Variants in ERLEC1 observed in about 807,000 individuals in gnomAD.
ERLEC1 encodes ER lectin.
ERLEC1 carries 47 observed loss-of-function variants against 68.0 expected under a neutral mutation model. The ratio of observed to expected loss-of-function variants is 0.69; its 90% confidence interval spans 0.55 to 0.88. ERLEC1 has a LOEUF of 0.88. Among genes scored for constraint, ERLEC1 ranks in the 40% least tolerant of loss-of-function variants. The pLI is 0.00. For synonymous variants in ERLEC1, 225 were observed against 203.2 expected, an observed-to-expected ratio of 1.11 and a Z score of -0.91; for missense variants, 567 against 583.8, an observed-to-expected ratio of 0.97 and a Z score of 0.30.
chr2:53,813,099 G>A (rs545836301), intron 11 of ERLEC1, 26 bp downstream of exon 11: 1 of 1,590,874 alleles, frequency 6.3e-7, no homozygotes, highest in African/African-American at 1.4e-5. Context: ...ACTTGCCTTT[G>A]GAGCTAATTA....
chr2:53,814,995 C>CTTTTTTATTTTTTTTTTTTTT (rs1676792007), intron 13 of ERLEC1, 60 bp downstream of exon 13: 1 of 430,044 alleles, frequency 2.3e-6, no homozygotes, highest in Non-Finnish European at 3.7e-6. Flanking sequence ...ATTTTTTTTT[C>CTTTTTTATTTTTTTTTTTTTT]TTTTTTTTTT....
chr2:53,794,783 T>A (rs911715527), intron 2 of ERLEC1, among the ~76,000 whole-genome samples: 3 of 152,150 alleles, frequency 2.0e-5, no homozygotes, highest in African/African-American at 7.2e-5. Flanking sequence ...GCCTCCCAAG[T>A]AGCTGGGATT....
At chr2:53,805,278 C>T (rs948215547) in intron 8 of ERLEC1, among the ~76,000 whole-genome samples, 1 of 152,146 alleles carries the variant, frequency 6.6e-6, no homozygotes, top group Non-Finnish European at 1.5e-5. Flanking sequence ...CCACCTCAGC[C>T]TCCCAAAGTA....
chr2:53,796,354 T>C (rs923354154), intron 3 of ERLEC1, among the ~76,000 whole-genome samples: 5 of 152,024 alleles, frequency 3.3e-5, no homozygotes, highest in African/African-American at 4.8e-5. Context: ...TCTCATTTTT[T>C]AGCTCCCATT....
chr2:53,810,610 G>C (rs1425948185), intron 10 of ERLEC1, among the ~76,000 whole-genome samples: 2 of 152,124 alleles, frequency 1.3e-5, no homozygotes, highest in East Asian at 3.8e-4. Context: ...ACCCAAAATA[G>C]AAAAGTGTAT....
intron 9 of ERLEC1, 145 bp from the exon 10 acceptor site, chr2:53,809,069 T>G (rs534306550): frequency 5.7e-5 from 36 of 628,018 alleles, no homozygotes; most frequent in Non-Finnish European, 1.4e-5. Context: ...GTCTTTAATT[T>G]CTCAGTAATG....
Position 53,801,459 on chromosome 2 carries a change from T to A in ERLEC1, c.588T>A (p.Gly196=). ...ACTATCCTGTGGGAATGGGAAATGG[T>A]ACACCTTGTAGTTTGAAACAGAACC... ...TPYYPVGMGN[G]TPCSLKQNRP... Residue 196 remains glycine, a synonymous_variant, in exon 7 of 14, where the codon GGT becomes GGA. Transcript: ENST00000185150. 1 of 1,614,056 alleles carries A rather than the reference T, an allele frequency of 6.2e-7. No homozygotes were observed. Among genetic ancestry groups the A allele is most frequent in the Non-Finnish European group, 8.5e-7 (1 of 1,179,964 alleles).
At chr2:53,814,426 G>GT (rs1034416254) in intron 11 of ERLEC1, 117 bp from the exon 12 acceptor site, 1,205 of 559,698 alleles carry the variant, frequency 2.2e-3, no homozygotes, top group South Asian at 4.0e-3. Context: ...TTATAGTCAG[G>GT]TTTTTTTTTA....
At chr2:53,807,434 C>CT (rs756859611) in intron 8 of ERLEC1, among the ~76,000 whole-genome samples, 7 of 119,962 alleles carry the variant, frequency 5.8e-5, no homozygotes, top group Non-Finnish European at 1.0e-4. Flanking sequence ...GAGACAGAGT[C>CT]TCACTCTGTC....
At position 53,801,712 on chromosome 2, in the gene ERLEC1, G is replaced by A; in HGVS notation, c.750-1G>A. 3 of 1,614,020 alleles carry A rather than the reference G, an allele frequency of 1.9e-6. No homozygotes were observed. Among genetic ancestry groups the A allele is most frequent in the Non-Finnish European group, 2.5e-6 (3 of 1,179,920 alleles). ...TTTAATGCTTTGTTCCTACTGAACA[G>A]GTTCAGAGCATCTCCTGTGAATGAC... is the stretch of plus-strand genomic sequence containing the variant. On this transcript the variant is annotated splice_acceptor_variant, in intron 7 of 13. Transcript: ENST00000185150. LOFTEE classifies it high-confidence loss of function.
At chr2:53,809,190 C>G (rs1009381491) in intron 9 of ERLEC1, 24 bp from the exon 10 acceptor site, 1 of 1,562,976 alleles carries the variant, frequency 6.4e-7, no homozygotes, top group Admixed American at 2.1e-5. Flanking sequence ...TTAACTTGAT[C>G]TAATATGTTT....
At chr2:53,811,995 G>A (rs1386260865) in intron 10 of ERLEC1, among the ~76,000 whole-genome samples, 3 of 152,124 alleles carry the variant, frequency 2.0e-5, no homozygotes, top group African/African-American at 7.2e-5. Context: ...TTGGCTCACT[G>A]CAACCTCTGC....
intron 13 of ERLEC1, among the ~76,000 whole-genome samples, chr2:53,816,643 C>T (rs1676913509): frequency 6.6e-6 from 1 of 152,110 alleles, no homozygotes; most frequent in South Asian, 2.1e-4. Flanking sequence ...ATTTATTCCT[C>T]TTTAATAGCT....
intron 10 of ERLEC1, among the ~76,000 whole-genome samples, chr2:53,810,433 A>G (rs942475722): frequency 1.3e-5 from 2 of 152,180 alleles, no homozygotes; most frequent in African/African-American, 4.8e-5. Context: ...CCCATACTTG[A>G]GCCAGCCTGC....
At chr2:53,794,551 A>G (rs2104285270) in intron 2 of ERLEC1, 102 bp downstream of exon 2, 1 of 592,144 alleles carries the variant, frequency 1.7e-6, no homozygotes, top group Non-Finnish European at 3.0e-6. Context: ...AGATTTCTCA[A>G]TAACGCTCTT....
At chr2:53,810,968 TCTC>T (rs1488487760) in intron 10 of ERLEC1, among the ~76,000 whole-genome samples, 1 of 152,172 alleles carries the variant, frequency 6.6e-6, no homozygotes, top group Non-Finnish European at 1.5e-5. Flanking sequence ...GAAGTATCTG[TCTC>T]CTCTGCCATC....
At chr2:53,811,932 T>A (rs1676610275) in intron 10 of ERLEC1, among the ~76,000 whole-genome samples, 1 of 152,198 alleles carries the variant, frequency 6.6e-6, no homozygotes, top group South Asian at 2.1e-4. Flanking sequence ...TTTTGTTTTG[T>A]TTGAGACAGA....
intron 6 of ERLEC1, 81 bp downstream of exon 6, chr2:53,799,162 T>C: frequency 2.6e-6 from 3 of 1,161,076 alleles, no homozygotes; most frequent in South Asian, 1.4e-5. Flanking sequence ...AGTGACAGAA[T>C]ATATCTTTAT....
intron 8 of ERLEC1, among the ~76,000 whole-genome samples, chr2:53,807,991 C>T (rs1676386507): frequency 6.6e-6 from 1 of 151,144 alleles, no homozygotes; most frequent in Admixed American, 6.6e-5. Flanking sequence ...CACCAGCGCA[C>T]TCCAGCCTGG....
Sources: allele counts gnomAD v4.1 joint callset (sites outside exome capture counted in the v4.1 genomes callset), GRCh38; gene constraint gnomAD v4.1.1; transcripts MANE v1.5; gene names NCBI Gene and HGNC (gene_info 2026-07-23, HGNC 2026-07-21).